The following COG4 variants were observed in gnomAD, a reference collection of about 807,000 sequenced individuals.
COG4 encodes conserved oligomeric Golgi complex subunit 4.
In COG4, 65 loss-of-function variants were observed where a neutral mutation model predicts 95.1. The observed-to-expected ratio is 0.68, with a 90% CI of 0.56 to 0.84. COG4 has a LOEUF of 0.84. Among genes scored for constraint, COG4 ranks in the 40% least tolerant of loss-of-function variants. The pLI is 0.00. For synonymous variants in COG4, 421 were observed against 374.8 expected (o/e 1.12, Z -1.42); for missense variants, 1,045 against 989.1 (o/e 1.06, Z -0.76).
At chr16:70,496,931 T>C (rs1378812118) in intron 11 of COG4, among the ~76,000 whole-genome samples, 4 of 152,180 alleles carry the variant, frequency 2.6e-5, no homozygotes, top group East Asian at 1.9e-4. Flanking sequence ...GCTGGGCCTG[T>C]AGCAATGGTA....
rs1439808025 is a variant in COG4 at position 70,523,111 on chromosome 16, A to G, written c.171+262T>C. On this transcript the variant is annotated intron_variant, in intron 1 of 18. Coordinates refer to ENST00000323786, the MANE Select transcript of COG4 (RefSeq NM_015386.3). ...CTTTACTCCCGTGGAGAAACTGGTG[A>G]TCATGGATCAGGGAAATCAACGGGG... 5.6e-6 allele frequency: 3 copies of G among 536,220 alleles called. No individual in the cohort carries two copies. The African/African-American group carries it at 5.7e-5, about 10-fold the overall frequency. The allele number at this position is 536,220 out of a possible 1,614,324, so 33.2% of individuals were successfully genotyped here.
intron 8 of COG4, among the ~76,000 whole-genome samples, chr16:70,501,817 GA>G (rs1227190735): frequency 5.1e-4 from 72 of 142,030 alleles, no homozygotes; most frequent in African/African-American, 2.2e-3. Context: ...CCACCTGGCA[GA>G]TTTTTTTTTT....
intron 8 of COG4, among the ~76,000 whole-genome samples, chr16:70,501,757 G>C (rs923302846): frequency 6.6e-6 from 1 of 151,870 alleles, no homozygotes; most frequent in Non-Finnish European, 1.5e-5. Flanking sequence ...GTTGAAGTGA[G>C]TCTCATGCCT....
chr16:70,511,221 A>G (rs2049696728), intron 5 of COG4, among the ~76,000 whole-genome samples: 1 of 152,198 alleles, frequency 6.6e-6, no homozygotes, highest in Admixed American at 6.5e-5. Flanking sequence ...TAACCCTTCC[A>G]AAAGAAATCC....
At chr16:70,501,810 C>T (rs1231639460) in intron 8 of COG4, among the ~76,000 whole-genome samples, 1 of 148,816 alleles carries the variant, frequency 6.7e-6, no homozygotes, top group Admixed American at 6.6e-5. Context: ...TGCCACCCCA[C>T]CTGGCAGATT....
rs368602741 is a variant in COG4, at chr16:70,523,370, C to A, written c.171+3G>T. 6 of 1,614,036 alleles carry A rather than the reference C, an allele frequency of 3.7e-6. No individual in the cohort carries two copies. In the African/African-American group the frequency reaches 8.0e-5, roughly 22 times the overall value. ...ATGAAAAAGAAGAGGCTCGACCCCG[C>A]ACCTCCTCGCCGCAGAGCCGTTCGT... On this transcript the variant is annotated splice_donor_region_variant and intron_variant, in intron 1 of 18. Transcript: ENST00000323786.
chr16:70,488,629 C>A (rs2049183702), intron 13 of COG4, among the ~76,000 whole-genome samples: 1 of 152,120 alleles, frequency 6.6e-6, no homozygotes, highest in Non-Finnish European at 1.5e-5. Flanking sequence ...CTCACTGCAA[C>A]CTCCACCTCC....
intron 12 of COG4, among the ~76,000 whole-genome samples, chr16:70,494,863 T>C (rs1232610391): frequency 6.6e-6 from 1 of 152,224 alleles, no homozygotes; most frequent in Non-Finnish European, 1.5e-5. Flanking sequence ...TTTTTGGATC[T>C]GATCTTTTTT....
intron 13 of COG4, among the ~76,000 whole-genome samples, chr16:70,487,181 C>T (rs553539345): frequency 4.5e-4 from 68 of 150,478 alleles, no homozygotes; most frequent in African/African-American, 1.1e-3. Context: ...ATCCCAGCAA[C>T]TTAGGAAGCT....
At chr16:70,520,440 C>A (rs1460835650) in intron 1 of COG4, among the ~76,000 whole-genome samples, 8 of 117,808 alleles carry the variant, frequency 6.8e-5, no homozygotes, top group Admixed American at 1.2e-4. Context: ...GCTTGGGCAA[C>A]AAAGTGAGAC....
intron 1 of COG4, among the ~76,000 whole-genome samples, chr16:70,522,285 G>T (rs1486899057): frequency 6.6e-6 from 1 of 152,058 alleles, no homozygotes; most frequent in Non-Finnish European, 1.5e-5. Context: ...GTGAGCCACC[G>T]CGCCCCGCAA....
chr16:70,519,925 C>T (rs1200648417), intron 1 of COG4, among the ~76,000 whole-genome samples, 194 bp from the exon 2 acceptor site: 1 of 152,166 alleles, frequency 6.6e-6, no homozygotes, highest in Non-Finnish European at 1.5e-5. Flanking sequence ...ATATCTTATT[C>T]CACCTGGCAG....
In COG4 at chr16:70,519,736, AAC is replaced by A. The variant is rs112597679; in HGVS notation, c.172-7_172-6del. 1.3e-5 allele frequency: 21 copies of A among 1,601,936 alleles called. No individual in the cohort carries two copies. In the African/African-American group the frequency reaches 2.1e-4, roughly 16 times the overall value. ...CAGCTCTCTCTCCACCACTTTCTGA[AAC>A]ACAGAGAAACATCCTGTCAGCAGAA... On this transcript the variant is annotated splice_region_variant and splice_polypyrimidine_tract_variant and intron_variant, in intron 1 of 18. Coordinates refer to ENST00000323786, the MANE Select transcript of COG4 (RefSeq NM_015386.3).
At chr16:70,493,568 G>A (rs1221596229) in intron 12 of COG4, among the ~76,000 whole-genome samples, 1 of 152,106 alleles carries the variant, frequency 6.6e-6, no homozygotes, top group African/African-American at 2.4e-5. Flanking sequence ...TCTGGAAAGG[G>A]GATAATATAA....
At chr16:70,483,296 C>A (rs115499354) in intron 14 of COG4, among the ~76,000 whole-genome samples, 1 of 95,984 alleles carries the variant, frequency 1.0e-5, no homozygotes, top group Non-Finnish European at 2.0e-5. Context: ...ACCCCATCCT[C>A]CTCTCCTCTC....
chr16:70,489,133 A>AG (rs1183270236), intron 13 of COG4, among the ~76,000 whole-genome samples: 1 of 152,078 alleles, frequency 6.6e-6, no homozygotes, highest in East Asian at 1.9e-4. Flanking sequence ...AACAGCTACT[A>AG]GCTTTGTATA....
In COG4 at chr16:70,509,055, C is replaced by T. The variant is rs1425443836; in HGVS notation, c.1002+176G>A. 8 of 761,268 alleles carry T rather than the reference C, an allele frequency of 1.1e-5. No individual in the cohort carries two copies. In the East Asian group the frequency reaches 1.6e-4, roughly 15 times the overall value. 47.2% of individuals were successfully genotyped at this position (761,268 alleles called of 1,614,324 possible). On this transcript the variant is annotated intron_variant, in intron 7 of 18. Coordinates refer to ENST00000323786, the MANE Select transcript of COG4 (RefSeq NM_015386.3). ...ACTGAGGCCATCATCATCTCGACAA[C>T]ACCTCAAGTCCAAAGTAAGCTGTCA...
chr16:70,490,554 A>G (rs2049223331), intron 12 of COG4, among the ~76,000 whole-genome samples, 162 bp from the exon 13 acceptor site: 1 of 152,238 alleles, frequency 6.6e-6, no homozygotes, highest in South Asian at 2.1e-4. Flanking sequence ...TCTGAGCAGG[A>G]CGCTCAGATC....
At position 70,497,352 on chromosome 16, in the gene COG4, C is replaced by A; in HGVS notation, c.1350G>T (p.Leu450=). ...VALDTYEKGQ[L]TSSMVDDVFY... ...AGACATCATCCACCATGCTGGATGT[C>A]AGCTGGCCCTTCTCATAGGTGTCCA... is the stretch of plus-strand genomic sequence containing the variant. The change falls in exon 11 of 19, where the codon CTG becomes CTT. Residue 450 remains leucine, a synonymous_variant. Transcript: ENST00000323786. 1 of 1,613,904 alleles carries A rather than the reference C, an allele frequency of 6.2e-7. No individual in the cohort carries two copies. Among genetic ancestry groups the A allele is most frequent in the South Asian group, 1.1e-5 (1 of 91,078 alleles).
Sources: allele counts gnomAD v4.1 joint callset (sites outside exome capture counted in the v4.1 genomes callset), GRCh38; gene constraint gnomAD v4.1.1; transcripts MANE v1.5; gene names NCBI Gene and HGNC (gene_info 2026-07-23, HGNC 2026-07-21).